PALM2AKAP2: variants seen among roughly 807,000 people sequenced by gnomAD.
The protein encoded by PALM2AKAP2 is PALM2-AKAP2 fusion protein.
In PALM2AKAP2, 37 loss-of-function variants were observed where a neutral mutation model predicts 71.5. That is an observed-to-expected ratio of 0.52 (90% CI 0.40 to 0.68). The LOEUF (loss-of-function observed/expected upper bound fraction) is 0.68, where lower values mean the gene tolerates loss of function less well. PALM2AKAP2 is among the 30% of genes least tolerant of loss of function. The pLI, the probability that PALM2AKAP2 is intolerant of heterozygous loss-of-function variation, is 0.00. For synonymous variants in PALM2AKAP2, 468 were observed against 478.8 expected, an observed-to-expected ratio of 0.98 and a Z score of 0.29; for missense variants, 1,224 against 1,191.8, an observed-to-expected ratio of 1.03 and a Z score of -0.40.
chr9:109,768,521 G>A (rs1829200826), intron 1 of PALM2AKAP2, among the ~76,000 whole-genome samples: 1 of 152,136 alleles, frequency 6.6e-6, no homozygotes, highest in African/African-American at 2.4e-5. Flanking sequence ...AACATTTCAA[G>A]TTCTCTCTTT....
chr9:109,924,947 C>T, intron 4 of PALM2AKAP2, 114 bp from the exon 5 acceptor site: 1 of 1,503,328 alleles, frequency 6.7e-7, no homozygotes, highest in Non-Finnish European at 9.2e-7. Context: ...CCAGCACAGT[C>T]AAATTCTGGG....
intron 6 of PALM2AKAP2, among the ~76,000 whole-genome samples, chr9:109,988,903 T>C (rs141008408): frequency 1.8e-4 from 28 of 152,298 alleles, no homozygotes; most frequent in Middle Eastern, 3.4e-3. Context: ...TGTTAGTGAA[T>C]AAGTCTCACA....
intron 1 of PALM2AKAP2, chr9:109,866,958 T>G (rs529655695): frequency 8.9e-6 from 4 of 448,742 alleles, no homozygotes; most frequent in South Asian, 6.3e-5. Context: ...TTTGCATTGT[T>G]TGGTATGTCC....
exon 2 of PALM2AKAP2, chr9:110,137,818 A>G: frequency 6.2e-7 from 1 of 1,614,128 alleles, no homozygotes. Flanking sequence ...CCCAGACACC[A>G]CAAACTGACA....
intron 5 of PALM2AKAP2, among the ~76,000 whole-genome samples, chr9:109,928,576 A>G (rs1332912403): frequency 1.3e-5 from 2 of 152,096 alleles, no homozygotes; most frequent in African/African-American, 2.4e-5. Context: ...CTTCCTGTCT[A>G]TATAACCTTA....
chr9:109,924,926 G>A (rs898904805), intron 4 of PALM2AKAP2, 135 bp from the exon 5 acceptor site: 166 of 1,255,860 alleles, frequency 1.3e-4, no homozygotes, highest in Middle Eastern at 3.9e-4. Context: ...AAAAGAGATC[G>A]TTGCGTTTCC....
intron 2 of PALM2AKAP2, among the ~76,000 whole-genome samples, chr9:109,868,916 G>T (rs1829531004): frequency 6.6e-6 from 1 of 152,144 alleles, no homozygotes; most frequent in Non-Finnish European, 1.5e-5. Flanking sequence ...ACAGAGAGGG[G>T]GCCTTAAAAA....
intron 3 of PALM2AKAP2, among the ~76,000 whole-genome samples, chr9:109,892,892 G>A (rs1830117884): frequency 6.6e-6 from 1 of 152,060 alleles, no homozygotes; most frequent in African/African-American, 2.4e-5. Flanking sequence ...AATAGGTTTT[G>A]GCTTTTATTA....
At chr9:110,166,108 A>G (rs1384867354) in intron 3 of PALM2AKAP2, among the ~76,000 whole-genome samples, 1 of 152,230 alleles carries the variant, frequency 6.6e-6, no homozygotes, top group Non-Finnish European at 1.5e-5. Context: ...CATAATTTAT[A>G]TATCCCTTTC....
intron 1 of PALM2AKAP2, among the ~76,000 whole-genome samples, chr9:110,094,669 G>C (rs1292227899): frequency 3.2e-5 from 3 of 94,430 alleles, no homozygotes; most frequent in African/African-American, 6.7e-5. Context: ...ACCACGGGGC[G>C]GGGGGGCGGG....
chr9:109,974,682 A>ACCATT (rs1405523517), intron 6 of PALM2AKAP2, among the ~76,000 whole-genome samples: 1 of 152,150 alleles, frequency 6.6e-6, no homozygotes, highest in Admixed American at 6.5e-5. Context: ...AGTAAGAAAT[A>ACCATT]CCATTTTCTC....
intron 6 of PALM2AKAP2, among the ~76,000 whole-genome samples, chr9:109,968,204 C>A (rs1831992659): frequency 6.6e-6 from 1 of 152,198 alleles, no homozygotes; most frequent in Admixed American, 6.5e-5. Context: ...GGGACTCCTG[C>A]ATTTGCTCAG....
rs1165466446 is a variant in PALM2AKAP2 at position 110,057,422 on chromosome 9, A to G, written c.156+8567A>G. Among the ~76,000 whole-genome samples, 3 of 136,532 alleles carry G rather than the reference A, an allele frequency of 2.2e-5. No homozygotes were observed. In the East Asian group the frequency reaches 6.4e-4, roughly 29 times the overall value. 89.6% of individuals were successfully genotyped at this position (136,532 alleles called of 152,430 possible). A position where few individuals can be genotyped will look rare whatever the true frequency, so the allele number is the denominator to read the frequency against. Reference sequence around the variant, plus strand: ...TTTTGCAACAGAGACTCGCTCTGCCATGCTGGAGTGCAGTGGCGCCATCTC... The same window carrying G: ...TTTTGCAACAGAGACTCGCTCTGCCGTGCTGGAGTGCAGTGGCGCCATCTC... On this transcript the variant is annotated intron_variant, in intron 1 of 3. Coordinates refer to ENST00000374525, the Ensembl canonical transcript of PALM2AKAP2.
Position 110,025,494 on chromosome 9 carries a change from G to A in PALM2AKAP2, c.582+9455G>A, listed in dbSNP as rs993044995. On this transcript the variant is annotated intron_variant, in intron 7 of 9. Transcript: ENST00000302798. ...TCTTGCTATGAATAGTTGCTGCTTT[G>A]GATAGTCACATGTAAGCCTTTGTGT... The A allele has an allele frequency of 1.3e-5, 8 of 606,768 alleles. No homozygotes were observed. The African/African-American group carries it at 1.5e-4, about 11-fold the overall frequency. 37.6% of individuals were successfully genotyped at this position (606,768 alleles called of 1,614,324 possible). A position where few individuals can be genotyped will look rare whatever the true frequency, so the allele number is the denominator to read the frequency against.
chr9:110,076,831 G>C (rs1350073763), intron 1 of PALM2AKAP2, among the ~76,000 whole-genome samples: 1 of 152,076 alleles, frequency 6.6e-6, no homozygotes, highest in Non-Finnish European at 1.5e-5. Flanking sequence ...AATTGATCCT[G>C]GCATCTGTCA....
chr9:109,849,573 C>G (rs1439512719), intron 1 of PALM2AKAP2, among the ~76,000 whole-genome samples: 1 of 152,120 alleles, frequency 6.6e-6, no homozygotes, highest in Non-Finnish European at 1.5e-5. Flanking sequence ...CATGGTGAAA[C>G]TCCGTCTCTA....
At chr9:110,146,208 C>T (rs542701937) in intron 2 of PALM2AKAP2, among the ~76,000 whole-genome samples, 1 of 152,130 alleles carries the variant, frequency 6.6e-6, no homozygotes, top group Non-Finnish European at 1.5e-5. Flanking sequence ...TGCAGCCCAG[C>T]CTCACTCTTG....
chr9:109,987,584 T>C (rs1295594060), intron 6 of PALM2AKAP2, among the ~76,000 whole-genome samples: 1 of 152,264 alleles, frequency 6.6e-6, no homozygotes, highest in Non-Finnish European at 1.5e-5. Context: ...TTTCCTGGAA[T>C]GCTTTTTCTA....
intron 1 of PALM2AKAP2, among the ~76,000 whole-genome samples, chr9:109,799,219 G>A (rs757274997): frequency 6.6e-6 from 1 of 152,260 alleles, no homozygotes. Flanking sequence ...GAAGCTCAGC[G>A]TGGCTCGTGG....
Sources: gnomAD v4.1 joint callset for allele counts (sites outside exome capture counted in the v4.1 genomes callset) on GRCh38, gnomAD v4.1.1 for gene constraint, MANE v1.5 for transcripts, NCBI Gene and HGNC (gene_info 2026-07-23, HGNC 2026-07-21) for gene names.